RBM5: variants seen among roughly 807,000 people sequenced by gnomAD.
The protein encoded by RBM5 is RNA-binding protein 5.
A neutral mutation model predicts 124.6 loss-of-function variants in RBM5; 15 were observed. That is an observed-to-expected ratio of 0.12 (90% confidence interval 0.08 to 0.19). RBM5 has a LOEUF of 0.19. Ranked by LOEUF, RBM5 falls within the 10% of genes least tolerant of loss-of-function variation. RBM5 has a pLI of 1.00. For synonymous variants in RBM5, 337 were observed against 361.2 expected, an observed-to-expected ratio of 0.93 and a Z score of 0.76; for missense variants, 580 against 1,026.5, an observed-to-expected ratio of 0.57 and a Z score of 5.94.
chr3:50,113,305 C>CT lies in RBM5; in HGVS notation c.1456-70dup, dbSNP rs11375869. 9,254 of 1,448,910 alleles carry CT rather than the reference C, an allele frequency of 6.4e-3. 438 individuals carry two copies. The African/African-American group carries it at 0.11, about 17-fold the overall frequency. 89.8% of individuals were successfully genotyped at this position (1,448,910 alleles called of 1,614,324 possible). A position where few individuals can be genotyped will look rare whatever the true frequency, so the allele number is the denominator to read the frequency against. On this transcript the variant is annotated intron_variant, in intron 17 of 24. Transcript: ENST00000347869. ...ATCACTAGTCCACAACATACTTTATCTTTTTTTTGACAAAATATGTAATCG... is the reference window on the plus strand; with the variant it reads ...ATCACTAGTCCACAACATACTTTATCTTTTTTTTTGACAAAATATGTAATCG...
At chr3:50,094,953 T>A (rs1039184579) in intron 4 of RBM5, among the ~76,000 whole-genome samples, 2 of 152,272 alleles carry the variant, frequency 1.3e-5, no homozygotes, top group East Asian at 3.9e-4. Context: ...TCCCAGGCAC[T>A]TTGGGAGGTC....
intron 16 of RBM5, 70 bp downstream of exon 16, chr3:50,110,533 C>CAGAA: frequency 6.6e-7 from 1 of 1,515,696 alleles, no homozygotes; most frequent in Non-Finnish European, 9.1e-7. Context: ...AATGAGAGTT[C>CAGAA]TTCTCCCTTT....
At chr3:50,116,965 C>A in intron 22 of RBM5, 109 bp from the exon 23 acceptor site, 2 of 995,346 alleles carry the variant, frequency 2.0e-6, no homozygotes, top group Non-Finnish European at 1.5e-6. Flanking sequence ...CTAAAAAAAG[C>A]ATTCTTCAGA....
At chr3:50,094,294 C>T (rs2090765016) in intron 4 of RBM5, 1 of 152,694 alleles carries the variant, frequency 6.5e-6, no homozygotes, top group African/African-American at 2.4e-5. Flanking sequence ...GTAGCTGGGA[C>T]TACAGGCGCC....
intron 2 of RBM5, 174 bp from the exon 3 acceptor site, chr3:50,091,869 A>G (rs2090709281): frequency 1.6e-5 from 11 of 688,000 alleles, no homozygotes; most frequent in Admixed American, 6.3e-5. Flanking sequence ...TTAGGGATGT[A>G]GGTATTTTCC....
chr3:50,102,580 C>T lies in RBM5; in HGVS notation c.484-503C>T, dbSNP rs539859753. 1.8e-4 allele frequency: 28 copies of T among 153,272 alleles called. No homozygotes were observed. In the South Asian group the frequency reaches 3.7e-3, roughly 20 times the overall value. The allele number at this position is 153,272 out of a possible 1,614,324, so 9.5% of individuals were successfully genotyped here. The stretch of plus-strand genomic sequence containing the variant: ...AAAATGAGTTCCCCTCCCTTTCCCC[C>T]CAAAGGACTCATCCTGAAGCAGAAG... On this transcript the variant is annotated intron_variant, in intron 6 of 24. Coordinates refer to ENST00000347869, the MANE Select transcript of RBM5 (RefSeq NM_005778.4).
At chr3:50,092,678 G>A in intron 3 of RBM5, 1 of 443,266 alleles carries the variant, frequency 2.3e-6, no homozygotes, top group South Asian at 1.6e-5. Flanking sequence ...TGATAAGGTA[G>A]GTGTTATTCC....
intron 7 of RBM5, among the ~76,000 whole-genome samples, chr3:50,103,996 A>C (rs2090989118): frequency 6.6e-6 from 1 of 152,178 alleles, no homozygotes; most frequent in Non-Finnish European, 1.5e-5. Flanking sequence ...AGAGTTTTCA[A>C]ATTAACTGAA....
At position 50,117,167 on chromosome 3, in the gene RBM5, A is replaced by G. The variant is rs1257078536; in HGVS notation, c.2188A>G (p.Thr730Ala). ...PKRKKQFDAG[T>A]VNYEQPTKDG... ...GCGCAAGAAGCAGTTTGATGCCGGC[A>G]CTGTGTATGTGATGTGCACATTTTC... The change falls in exon 23 of 25, where the codon ACT (threonine) becomes GCT (alanine). Residue 730 changes from threonine (T) to alanine (A), a missense_variant. By Grantham distance (58) the Thr-to-Ala change is moderately conservative. Transcript: ENST00000347869. The surrounding 1 kb of genome is among the most constrained non-coding windows in gnomAD (Gnocchi z 4.2). 12 of 1,614,180 alleles carry G rather than the reference A, an allele frequency of 7.4e-6. No homozygotes were observed. Among genetic ancestry groups the G allele is most frequent in the Admixed American group, 1.7e-5 (1 of 60,022 alleles).
chr3:50,108,015 T>C, intron 12 of RBM5, 55 bp from the exon 13 acceptor site: 1 of 1,474,494 alleles, frequency 6.8e-7, no homozygotes, highest in Non-Finnish European at 9.5e-7. Flanking sequence ...GACTTCTGAA[T>C]TTTTTTCCTT....
Position 50,113,374 on chromosome 3 carries a change from G to T in RBM5, c.1456-9G>T, listed in dbSNP as rs1374305676. On this transcript the variant is annotated splice_polypyrimidine_tract_variant and intron_variant, in intron 17 of 24. Transcript: ENST00000347869. ...CTGCATTAATTGTTTTTTGTTTGTT[G>T]TTTTCTAGTACTACTATAATTCCTT... 7 of 1,594,678 alleles carry T rather than the reference G, an allele frequency of 4.4e-6. No individual in the cohort carries two copies. The Admixed American group carries it at 9.2e-5, about 21-fold the overall frequency.
rs1245052765 is a variant in RBM5 at position 50,088,952 on chromosome 3, C to T, written c.-131C>T. The T allele has an allele frequency of 6.6e-6, 1 of 152,270 alleles. No individual in the cohort carries two copies. Among genetic ancestry groups the T allele is most frequent in the Non-Finnish European group, 1.5e-5 (1 of 68,116 alleles). 9.4% of individuals were successfully genotyped at this position (152,270 alleles called of 1,614,324 possible). A position where few individuals can be genotyped will look rare whatever the true frequency, so the allele number is the denominator to read the frequency against. ...TAGGAGACGGCCGTCGGCGGAGGCG[C>T]CATTTTGTGTAGCCGCCGAACCTTG... On this transcript the variant is annotated 5_prime_UTR_variant, in exon 1 of 25. Coordinates refer to ENST00000347869, the MANE Select transcript of RBM5 (RefSeq NM_005778.4).
chr3:50,105,482 C>A (rs536335860), intron 9 of RBM5, 67 bp from the exon 10 acceptor site: 1 of 1,515,322 alleles, frequency 6.6e-7, no homozygotes. Context: ...TTGACCCTAT[C>A]TTGGAAAACT....
chr3:50,114,315 A>C, intron 20 of RBM5, 64 bp downstream of exon 20: 1 of 1,481,774 alleles, frequency 6.7e-7, no homozygotes. Flanking sequence ...TTTAAGGCTC[A>C]ACTGCATCTT....
intron 12 of RBM5, 108 bp downstream of exon 12, chr3:50,107,677 T>TTTC: frequency 2.8e-6 from 1 of 356,616 alleles, no homozygotes; most frequent in Non-Finnish European, 4.5e-6. Flanking sequence ...CTTTTCTTTT[T>TTTC]TTTTTTTTTT....
At position 50,108,226 on chromosome 3, in the gene RBM5, C is replaced by T. The variant is rs1223750210; in HGVS notation, c.1120-6C>T. ...ATAGCAGCTTTAATGGTGGACTTTT[C>T]TTCAGTATTCACAGGATTATCAGCA... On this transcript the variant is annotated splice_polypyrimidine_tract_variant and splice_region_variant and intron_variant, in intron 13 of 24. Transcript: ENST00000347869. The T allele has an allele frequency of 6.2e-7, 1 of 1,612,248 alleles. No individual in the cohort carries two copies. Among genetic ancestry groups the T allele is most frequent in the African/African-American group, 1.3e-5 (1 of 74,986 alleles).
At chr3:50,112,372 C>T (rs554606745) in intron 17 of RBM5, among the ~76,000 whole-genome samples, 5 of 144,316 alleles carry the variant, frequency 3.5e-5, no homozygotes, top group South Asian at 2.2e-4. Context: ...GCGAATGTCG[C>T]GCCACTGCAC....
intron 4 of RBM5, among the ~76,000 whole-genome samples, chr3:50,097,356 A>G (rs1053932856): frequency 1.3e-5 from 2 of 151,196 alleles, no homozygotes; most frequent in Non-Finnish European, 2.9e-5. Context: ...AGATCGTGCC[A>G]TTGCACTCCA....
chr3:50,096,846 A>G (rs564055559), intron 4 of RBM5, among the ~76,000 whole-genome samples: 14 of 151,804 alleles, frequency 9.2e-5, no homozygotes, highest in Admixed American at 2.0e-4. Context: ...TCTTCAATCA[A>G]TCCTCCCGCC....
Sources: gnomAD v4.1 joint callset for allele counts (sites outside exome capture counted in the v4.1 genomes callset) on GRCh38, gnomAD v4.1.1 for gene constraint, Gnocchi (gnomAD v3.1) non-coding constraint, MANE v1.5 for transcripts, NCBI Gene and HGNC (gene_info 2026-07-23, HGNC 2026-07-21) for gene names.